The following AP1M1 variants were observed in gnomAD, a reference collection of about 807,000 sequenced individuals.
The protein encoded by AP1M1 is AP-1 complex subunit mu-1.
A neutral mutation model predicts 57.1 loss-of-function variants in AP1M1; 18 were observed. The ratio of observed to expected loss-of-function variants is 0.32; its 90% CI spans 0.22 to 0.47. The LOEUF (loss-of-function observed/expected upper bound fraction) is 0.47. Ranked by LOEUF, AP1M1 falls within the 20% of genes least tolerant of loss-of-function variation. The pLI is 1.00. For missense variants in AP1M1, 362 were observed against 593.5 expected, an observed-to-expected ratio of 0.61 and a Z score of 4.05; for synonymous variants, 241 against 237.9, an observed-to-expected ratio of 1.01 and a Z score of -0.12.
In AP1M1 at chr19:16,208,980, G is replaced by A. The variant is rs45529938; in HGVS notation, c.399-50G>A. 5,695 of 1,579,842 alleles carry A rather than the reference G, an allele frequency of 3.6e-3. 31 individuals are homozygous for A. The highest frequency in any genetic ancestry group is 0.014 in the South Asian group (1,283 of 88,596). On this transcript the variant is annotated intron_variant, in intron 4 of 11. Coordinates refer to ENST00000291439, the MANE Select transcript of AP1M1 (RefSeq NM_032493.4). ...CCGAAATGTCAAGGCCAGAAGCTGT[G>A]GCGTTGGTGCGGGTACCACCTCCTT... is the stretch of plus-strand genomic sequence containing the variant.
In AP1M1 at chr19:16,233,528, C is replaced by A. The variant is rs1240214451; in HGVS notation, c.1083C>A (p.Gly361=). ...AGTACCTGATGCGGGCCCACTTCGG[C>A]CTGCCTAGTGTGGAGGCCGAAGACA... ...GKEYLMRAHF[G]LPSVEAEDKE... is the part of the protein sequence containing the mutation. The change falls in exon 10 of 12, where the codon GGC becomes GGA. Residue 361 remains glycine (G), a synonymous_variant. Transcript: ENST00000291439. 6.2e-7 allele frequency: 1 copy of A among 1,606,166 alleles called. No individual in the cohort carries two copies. Among genetic ancestry groups the A allele is most frequent in the Non-Finnish European group, 8.5e-7 (1 of 1,176,704 alleles).
chr19:16,219,670 G>T (rs1185969083), intron 5 of AP1M1, among the ~76,000 whole-genome samples: 1 of 152,128 alleles, frequency 6.6e-6, no homozygotes, highest in South Asian at 2.1e-4. Context: ...AGTGCTGGGG[G>T]AATTCAGGTG....
At chr19:16,218,912 T>C (rs2091530316) in intron 5 of AP1M1, among the ~76,000 whole-genome samples, 1 of 152,162 alleles carries the variant, frequency 6.6e-6, no homozygotes, top group South Asian at 2.1e-4. Flanking sequence ...GTGTTGAATA[T>C]GAGTGGTGAG....
chr19:16,207,143 G>T lies in AP1M1; in HGVS notation c.267+735G>T, dbSNP rs542832369. Reference sequence around the variant, plus strand: ...TGGCTTCCCGGAGAGGATGGGCCTGGCCGAGGTGGGCTGTGGGGCTCACGA... The same window carrying T: ...TGGCTTCCCGGAGAGGATGGGCCTGTCCGAGGTGGGCTGTGGGGCTCACGA... On this transcript the variant is annotated intron_variant, in intron 3 of 11. Coordinates refer to ENST00000291439, the MANE Select transcript of AP1M1 (RefSeq NM_032493.4). The surrounding 1 kb of genome is among the most constrained non-coding windows in gnomAD (Gnocchi z 4.2). Among the ~76,000 whole-genome samples, 27 of 152,310 alleles carry T rather than the reference G, an allele frequency of 1.8e-4. No individual in the cohort carries two copies. In the South Asian group the frequency reaches 5.6e-3, roughly 32 times the overall value.
At position 16,197,977 on chromosome 19, in the gene AP1M1, G is replaced by T; in HGVS notation, c.-50G>T. 3 of 1,520,792 alleles carry T rather than the reference G, an allele frequency of 2.0e-6. No individual in the cohort carries two copies. The highest frequency in any genetic ancestry group is 2.6e-6 in the Non-Finnish European group (3 of 1,132,340). 94.2% of individuals were successfully genotyped at this position (1,520,792 alleles called of 1,614,324 possible). A position where few individuals can be genotyped will look rare whatever the true frequency, so the allele number is the denominator to read the frequency against. On this transcript the variant is annotated 5_prime_UTR_variant, in exon 1 of 12. Transcript: ENST00000291439. ...TCAACGCCCAGCAGTCCCCACCGTC[G>T]CTGCCGCCGCCACCGCCCTCGGCCG...
Position 16,227,481 on chromosome 19 carries a change from G to GT in AP1M1, c.674-66dup. ...GCTCTGCCGGGGTGGGTTGCAGGTGGTAGGAGTACTGCTGAGATAGTGACC... is the reference window on the plus strand; with the variant it reads ...GCTCTGCCGGGGTGGGTTGCAGGTGGTTAGGAGTACTGCTGAGATAGTGACC... On this transcript the variant is annotated intron_variant, in intron 6 of 11. Coordinates refer to ENST00000291439, the MANE Select transcript of AP1M1 (RefSeq NM_032493.4). This position sits in a 1 kb window ranked among gnomAD's most constrained non-coding sequence, Gnocchi z 6.2. 2 of 1,568,246 alleles carry GT rather than the reference G, an allele frequency of 1.3e-6. No homozygotes were observed. Among genetic ancestry groups the GT allele is most frequent in the Non-Finnish European group, 1.7e-6 (2 of 1,145,874 alleles).
In AP1M1 at chr19:16,234,808, C is replaced by T. The variant is rs2091617905; in HGVS notation, c.*373C>T. 2.7e-6 allele frequency: 1 copy of T among 376,116 alleles called. No individual in the cohort carries two copies. The highest frequency in any genetic ancestry group is 4.9e-6 in the Non-Finnish European group (1 of 204,284). 23.3% of individuals were successfully genotyped at this position (376,116 alleles called of 1,614,324 possible). On this transcript the variant is annotated 3_prime_UTR_variant, in exon 12 of 12. Coordinates refer to ENST00000291439, the MANE Select transcript of AP1M1 (RefSeq NM_032493.4). ...CAGGTGGCATCTGCCACGAAGGAAG[C>T]GCCAGCCTCGCCAGGCCAGCAGGGG...
intron 5 of AP1M1, among the ~76,000 whole-genome samples, chr19:16,213,679 G>T (rs1259895532): frequency 1.3e-5 from 2 of 152,142 alleles, no homozygotes; most frequent in Non-Finnish European, 2.9e-5. Flanking sequence ...TTTTAGTAGA[G>T]ACGAGGTTTC....
Position 16,234,068 on chromosome 19 carries a change from C to G in AP1M1, c.1174-131C>G, listed in dbSNP as rs77964911. On this transcript the variant is annotated intron_variant, in intron 10 of 11. Transcript: ENST00000291439. ...GGTCCAGACAAATCCCTTTCACCCC[C>G]CTGAGGCCTGTGCTCATCCTGTCGT... is the stretch of plus-strand genomic sequence containing the variant. 6,929 of 848,064 alleles carry G rather than the reference C, an allele frequency of 8.2e-3. 45 individuals carry two copies. The highest frequency in any genetic ancestry group is 0.01 in the Non-Finnish European group (5,604 of 555,096). 52.5% of individuals were successfully genotyped at this position (848,064 alleles called of 1,614,324 possible). A position where few individuals can be genotyped will look rare whatever the true frequency, so the allele number is the denominator to read the frequency against.
chr19:16,208,344 A>G, intron 4 of AP1M1, 195 bp downstream of exon 4: 2 of 511,642 alleles, frequency 3.9e-6, no homozygotes, highest in Admixed American at 3.4e-5. Context: ...GCCCCCACAT[A>G]ACCGTGCTTT....
chr19:16,226,586 C>G (rs1330607313), intron 6 of AP1M1, 39 bp downstream of exon 6: 3 of 1,549,178 alleles, frequency 1.9e-6, no homozygotes, highest in Non-Finnish European at 2.6e-6. Flanking sequence ...ATGAGGATGG[C>G]CTCACCAGGC....
chr19:16,212,400 A>G (rs1217031051), intron 5 of AP1M1, among the ~76,000 whole-genome samples: 1 of 152,200 alleles, frequency 6.6e-6, no homozygotes, highest in Non-Finnish European at 1.5e-5. Context: ...AAGTGTTAAT[A>G]ATAGTCTCTA....
chr19:16,243,042 G>C lies in AP1M1; in HGVS notation c.*8607G>C, dbSNP rs1215262012. The C allele has an allele frequency of 1.3e-5, 2 of 151,912 alleles. No individual in the cohort carries two copies. The highest frequency in any genetic ancestry group is 6.6e-5 in the Admixed American group (1 of 15,238). 9.4% of individuals were successfully genotyped at this position (151,912 alleles called of 1,614,324 possible). On this transcript the variant is annotated 3_prime_UTR_variant, in exon 12 of 12. Coordinates refer to ENST00000291439, the MANE Select transcript of AP1M1 (RefSeq NM_032493.4). ...CCCACTGGCCTCCCAAAGTGCTAGT[G>C]GCAGGTGTGAGCCACCACACACGGC...
chr19:16,200,215 C>T (rs557207134), intron 1 of AP1M1, among the ~76,000 whole-genome samples: 2 of 152,260 alleles, frequency 1.3e-5, no homozygotes, highest in Admixed American at 6.5e-5. Flanking sequence ...AACAAGGTCC[C>T]AAGTCCTGCA....
intron 5 of AP1M1, among the ~76,000 whole-genome samples, chr19:16,211,690 CAGTG>C (rs1233948655): frequency 6.6e-6 from 1 of 151,904 alleles, no homozygotes; most frequent in African/African-American, 2.4e-5. Context: ...GTAGAGGTTG[CAGTG>C]AGTCCAGATT....
intron 5 of AP1M1, among the ~76,000 whole-genome samples, chr19:16,218,120 T>C (rs1032284520): frequency 6.6e-6 from 1 of 152,260 alleles, no homozygotes; most frequent in Non-Finnish European, 1.5e-5. Context: ...TCAGTATAAA[T>C]GTGACTGCAG....
rs2091623498 is a variant in AP1M1, at chr19:16,236,020, C to T, written c.*1585C>T. The T allele has an allele frequency of 6.6e-6, 1 of 152,588 alleles. No homozygotes were observed. The highest frequency in any genetic ancestry group is 2.4e-5 in the African/African-American group (1 of 41,572). 9.5% of individuals were successfully genotyped at this position (152,588 alleles called of 1,614,324 possible). A position where few individuals can be genotyped will look rare whatever the true frequency, so the allele number is the denominator to read the frequency against. ...CCACGTAGGTCTTCCCCATCTCAGT[C>T]AATGACGCTGCCCCAGCCCAGGCCT... On this transcript the variant is annotated 3_prime_UTR_variant, in exon 12 of 12. Coordinates refer to ENST00000291439, the MANE Select transcript of AP1M1 (RefSeq NM_032493.4).
intron 10 of AP1M1, 74 bp from the exon 11 acceptor site, chr19:16,234,125 C>G: frequency 6.8e-7 from 1 of 1,463,172 alleles, no homozygotes; most frequent in Non-Finnish European, 9.2e-7. Context: ...CAGGCTGCCC[C>G]AGCAGGAAAG....
At chr19:16,222,176 A>C in intron 5 of AP1M1, among the ~76,000 whole-genome samples, 1 of 140,720 alleles carries the variant, frequency 7.1e-6, no homozygotes, top group African/African-American at 2.6e-5. Flanking sequence ...GTTTATCTCC[A>C]TTCTGTTATT....
Sources: gnomAD v4.1 joint callset for allele counts (sites outside exome capture counted in the v4.1 genomes callset) on GRCh38, gnomAD v4.1.1 for gene constraint, Gnocchi (gnomAD v3.1) non-coding constraint, MANE v1.5 for transcripts, NCBI Gene and HGNC (gene_info 2026-07-23, HGNC 2026-07-21) for gene names.